The following TAF3 variants were observed in gnomAD, a reference collection of about 807,000 sequenced individuals.
TAF3 encodes TATA-box binding protein associated factor 3, also known as transcription initiation factor TFIID subunit 3.
Under a neutral mutation model 80.6 loss-of-function variants are expected in TAF3, and 7 were observed. That is an observed-to-expected ratio of 0.09 (90% confidence interval 0.05 to 0.16). The LOEUF is 0.16. Among genes scored for constraint, TAF3 ranks in the 10% least tolerant of loss-of-function variants. The pLI, the probability that TAF3 is intolerant of heterozygous loss-of-function variation, is 1.00. For missense variants in TAF3, 921 were observed against 1,140.2 expected, an observed-to-expected ratio of 0.81 and a Z score of 2.77; for synonymous variants, 444 against 446.1, an observed-to-expected ratio of 1.00 and a Z score of 0.06.
intron 3 of TAF3, among the ~76,000 whole-genome samples, chr10:7,974,094 C>T (rs1445349601): frequency 6.6e-6 from 1 of 151,722 alleles, no homozygotes; most frequent in African/African-American, 2.4e-5. Flanking sequence ...TGCCACTGAT[C>T]TCCAGCCTGG....
chr10:7,977,070 G>A (rs1001647985), intron 3 of TAF3, among the ~76,000 whole-genome samples, 171 bp from the exon 4 acceptor site: 4 of 152,182 alleles, frequency 2.6e-5, no homozygotes, highest in Non-Finnish European at 2.9e-5. Context: ...CATGATGCCA[G>A]GTAGCCTTCA....
chr10:7,954,409 CT>C (rs1838114796), intron 2 of TAF3, among the ~76,000 whole-genome samples: 1 of 118,322 alleles, frequency 8.5e-6, no homozygotes, highest in Non-Finnish European at 1.8e-5. Flanking sequence ...TGAATTAGTT[CT>C]AGTTAACACG....
intron 1 of TAF3, among the ~76,000 whole-genome samples, 187 bp downstream of exon 1, chr10:7,819,062 T>G (rs1216850076): frequency 6.6e-6 from 1 of 151,994 alleles, no homozygotes; most frequent in Non-Finnish European, 1.5e-5. Flanking sequence ...TTCGGGTGCC[T>G]CTTCCTTATC....
At chr10:7,872,518 G>T (rs1466319798) in intron 2 of TAF3, among the ~76,000 whole-genome samples, 1 of 152,064 alleles carries the variant, frequency 6.6e-6, no homozygotes, top group East Asian at 1.9e-4. Context: ...GTTTCATTTA[G>T]GTGCTCTGAG....
intron 4 of TAF3, among the ~76,000 whole-genome samples, chr10:8,000,355 G>A (rs1831931921): frequency 6.6e-6 from 1 of 152,098 alleles, no homozygotes; most frequent in South Asian, 2.1e-4. Flanking sequence ...AACCTCAGGT[G>A]ATCCGCCTGT....
intron 3 of TAF3, among the ~76,000 whole-genome samples, chr10:7,976,413 AT>A (rs1220558314): frequency 0.018 from 2,353 of 128,624 alleles, 40 homozygotes; most frequent in African/African-American, 0.058. Flanking sequence ...TGACTGGCTA[AT>A]TTTTTTTTTT....
intron 4 of TAF3, among the ~76,000 whole-genome samples, chr10:7,986,141 T>C (rs543187537): frequency 2.0e-5 from 3 of 152,114 alleles, no homozygotes; most frequent in South Asian, 4.1e-4. Flanking sequence ...TTATTTTTTT[T>C]CCCCCTTCTT....
At chr10:7,896,850 TCAGATGTCAGCCCAGTCGAGCC>T (rs546115577) in intron 2 of TAF3, among the ~76,000 whole-genome samples, 2 of 152,252 alleles carry the variant, frequency 1.3e-5, no homozygotes, top group East Asian at 1.9e-4. Flanking sequence ...AAGGCCAAAG[TCAGATGTCAGCCCAGTCGAGCC>T]CAGATGTCAG....
intron 3 of TAF3, among the ~76,000 whole-genome samples, chr10:7,971,102 T>C (rs529837068): frequency 1.3e-5 from 2 of 152,342 alleles, no homozygotes; most frequent in African/African-American, 4.8e-5. Flanking sequence ...TTTCTGACTC[T>C]ACACTCTGAG....
chr10:7,947,686 GGCTTGAT>G (rs1838039352), intron 2 of TAF3, among the ~76,000 whole-genome samples: 1 of 152,182 alleles, frequency 6.6e-6, no homozygotes, highest in Non-Finnish European at 1.5e-5. Flanking sequence ...ATGCCAGCAT[GGCTTGAT>G]GAAGGCAGCT....
chr10:7,865,114 G>C lies in TAF3; in HGVS notation c.409+40554G>C, dbSNP rs117128113. ...GGTGACTCATGGGAAGCTTCAGAGG[G>C]AAGTGAGTGGGGCCTGGGGGTCAGG... On this transcript the variant is annotated intron_variant, in intron 2 of 6. Coordinates refer to ENST00000344293, the MANE Select transcript of TAF3 (RefSeq NM_031923.4). Among the ~76,000 whole-genome samples the C allele has an allele frequency of 3.7e-3, 564 of 152,246 alleles. 28 individuals are homozygous for C. The East Asian group carries it at 0.095, about 26-fold the overall frequency.
chr10:7,925,897 A>G (rs1837810932), intron 2 of TAF3, among the ~76,000 whole-genome samples: 1 of 152,060 alleles, frequency 6.6e-6, no homozygotes, highest in African/African-American at 2.4e-5. Context: ...ATTGAAGAAT[A>G]TGCTGGGATT....
chr10:7,997,769 T>A (rs1831903141), intron 4 of TAF3, among the ~76,000 whole-genome samples: 1 of 152,046 alleles, frequency 6.6e-6, no homozygotes, highest in Non-Finnish European at 1.5e-5. Flanking sequence ...GAACTTACTA[T>A]GCAATTAAAC....
rs1310250396 is a variant in TAF3, at chr10:7,965,340, G to A, written c.1830G>A (p.Arg610=). 1.2e-5 allele frequency: 19 copies of A among 1,603,184 alleles called. No individual in the cohort carries two copies. The East Asian group carries it at 4.0e-4, about 34-fold the overall frequency. ...PKVKLKDGLV[R]KEKEKHKDKK... ...TGAAATTGAAAGATGGACTTGTGAG[G>A]AAGGAGAAAGAGAAGCATAAAGATA... The change falls in exon 3 of 7, where the codon AGG becomes AGA. Residue 610 remains arginine, a synonymous_variant. Coordinates refer to ENST00000344293, the MANE Select transcript of TAF3 (RefSeq NM_031923.4).
At chr10:7,832,630 A>G (rs1156511298) in intron 2 of TAF3, among the ~76,000 whole-genome samples, 1 of 152,038 alleles carries the variant, frequency 6.6e-6, no homozygotes, top group East Asian at 1.9e-4. Flanking sequence ...TGCAAGCTCC[A>G]TCTCCTAGGT....
At chr10:7,947,164 C>T (rs1588561890) in intron 2 of TAF3, among the ~76,000 whole-genome samples, 2 of 152,290 alleles carry the variant, frequency 1.3e-5, no homozygotes, top group South Asian at 4.2e-4. Flanking sequence ...TCTCCTTCTC[C>T]GGCCCCTCTT....
At chr10:7,823,171 A>AT (rs974853502) in intron 1 of TAF3, among the ~76,000 whole-genome samples, 5 of 152,174 alleles carry the variant, frequency 3.3e-5, no homozygotes, top group African/African-American at 1.2e-4. Context: ...ATATTCTTAG[A>AT]TTTTAAAAAT....
chr10:7,945,513 G>C (rs2131399544), intron 2 of TAF3, among the ~76,000 whole-genome samples: 1 of 152,182 alleles, frequency 6.6e-6, no homozygotes, highest in Admixed American at 6.5e-5. Flanking sequence ...CCTTCTTCTA[G>C]TTAAGTGGAT....
chr10:7,980,039 A>G (rs1831711494), intron 4 of TAF3, among the ~76,000 whole-genome samples: 1 of 152,180 alleles, frequency 6.6e-6, no homozygotes, highest in Non-Finnish European at 1.5e-5. Flanking sequence ...GGCTTAGTCC[A>G]TGGTGATAAT....
Sources: gnomAD v4.1 joint callset for allele counts (sites outside exome capture counted in the v4.1 genomes callset) on GRCh38, gnomAD v4.1.1 for gene constraint, MANE v1.5 for transcripts, NCBI Gene and HGNC (gene_info 2026-07-23, HGNC 2026-07-21) for gene names.